Variants in SIPA1L2 observed in about 807,000 individuals in gnomAD.
The protein encoded by SIPA1L2 is signal induced proliferation associated 1 like 2.
In SIPA1L2, 56 loss-of-function variants were observed where a neutral mutation model predicts 163.9. The ratio of observed to expected loss-of-function variants is 0.34; its 90% CI spans 0.28 to 0.43. SIPA1L2 has a LOEUF of 0.43. SIPA1L2 is among the 20% of genes least tolerant of loss of function. The pLI is 1.00. For synonymous variants in SIPA1L2, 877 were observed against 865.7 expected, an observed-to-expected ratio of 1.01 and a Z score of -0.23; for missense variants, 1,974 against 2,193.5, an observed-to-expected ratio of 0.90 and a Z score of 2.00.
At chr1:232,456,548 T>C (rs1209688844) in intron 10 of SIPA1L2, among the ~76,000 whole-genome samples, 1 of 152,238 alleles carries the variant, frequency 6.6e-6, no homozygotes, top group African/African-American at 2.4e-5. Context: ...CCATTTTTAT[T>C]GGACATATTT....
intron 2 of SIPA1L2, among the ~76,000 whole-genome samples, chr1:232,517,299 A>G (rs1667259868): frequency 2.0e-5 from 3 of 152,208 alleles, no homozygotes; most frequent in Non-Finnish European, 4.4e-5. Context: ...GCATATATTG[A>G]AATACCAGTA....
chr1:232,620,321 T>C (rs925699594), intron 1 of SIPA1L2, among the ~76,000 whole-genome samples: 1 of 152,220 alleles, frequency 6.6e-6, no homozygotes, highest in African/African-American at 2.4e-5. Flanking sequence ...CCCTGTTCCA[T>C]GAAGGTAGGT....
intron 3 of SIPA1L2, among the ~76,000 whole-genome samples, chr1:232,512,143 A>G (rs180914244): frequency 6.6e-6 from 1 of 152,362 alleles, no homozygotes; most frequent in Non-Finnish European, 1.5e-5. Flanking sequence ...ACTGGTCATT[A>G]AAGAAATGCA....
intron 19 of SIPA1L2, among the ~76,000 whole-genome samples, chr1:232,410,940 T>C (rs974656224): frequency 2.6e-5 from 4 of 152,190 alleles, no homozygotes; most frequent in Non-Finnish European, 5.9e-5. Flanking sequence ...ACCAGCCAAG[T>C]AGCCTGCCAA....
At chr1:232,579,668 T>C (rs1660268516) in intron 1 of SIPA1L2, among the ~76,000 whole-genome samples, 1 of 152,212 alleles carries the variant, frequency 6.6e-6, no homozygotes, top group African/African-American at 2.4e-5. Flanking sequence ...TAATCTAACC[T>C]CTGATGCTCC....
chr1:232,422,015 G>A (rs954324668), intron 18 of SIPA1L2, among the ~76,000 whole-genome samples: 1 of 152,178 alleles, frequency 6.6e-6, no homozygotes, highest in Non-Finnish European at 1.5e-5. Flanking sequence ...GAACCCAGGT[G>A]TCTACCTGCC....
rs191435097 is a variant in SIPA1L2, at chr1:232,529,713, G to A, written c.-269-14105C>T. On this transcript the variant is annotated intron_variant, in intron 2 of 22. Transcript: ENST00000674635. ...AACTGGAAAGCAGCAAGGATATCAC[G>A]ATAGGGTGGCAAATCAGACATCACA... 1.1e-4 allele frequency among the ~76,000 whole-genome samples: 17 copies of A among 152,328 alleles called. No homozygotes were observed. The East Asian group carries it at 2.5e-3, about 22-fold the overall frequency.
At chr1:232,512,037 A>G (rs747697230) in intron 3 of SIPA1L2, among the ~76,000 whole-genome samples, 1 of 152,240 alleles carries the variant, frequency 6.6e-6, no homozygotes, top group Non-Finnish European at 1.5e-5. Flanking sequence ...CAAGAACAAA[A>G]CAACCCCATC....
At chr1:232,443,142 C>T (rs1053418825) in intron 12 of SIPA1L2, among the ~76,000 whole-genome samples, 2 of 152,188 alleles carry the variant, frequency 1.3e-5, no homozygotes, top group African/African-American at 4.8e-5. Context: ...TCACAGAAGT[C>T]CTCAGGCTCT....
chr1:232,499,181 G>T (rs1666345042), intron 3 of SIPA1L2, among the ~76,000 whole-genome samples: 1 of 152,230 alleles, frequency 6.6e-6, no homozygotes, highest in East Asian at 1.9e-4. Flanking sequence ...TAAAATGAAA[G>T]AAGAGTCACA....
chr1:232,526,474 T>C (rs1301259877), intron 2 of SIPA1L2, among the ~76,000 whole-genome samples: 2 of 152,210 alleles, frequency 1.3e-5, no homozygotes, highest in Non-Finnish European at 2.9e-5. Context: ...GTGCTCAACC[T>C]AAATGTATGT....
At chr1:232,552,744 A>G (rs149020237) in intron 2 of SIPA1L2, among the ~76,000 whole-genome samples, 8 of 152,368 alleles carry the variant, frequency 5.3e-5, no homozygotes, top group Non-Finnish European at 7.3e-5. Context: ...AGAGAAAGAA[A>G]TAACATTCAT....
intron 1 of SIPA1L2, among the ~76,000 whole-genome samples, chr1:232,607,256 T>C (rs1661972980): frequency 6.6e-6 from 1 of 152,214 alleles, no homozygotes; most frequent in East Asian, 1.9e-4. Flanking sequence ...TGCATATGCA[T>C]ATTTAATATA....
At chr1:232,434,696 A>T (rs1662449305) in intron 15 of SIPA1L2, among the ~76,000 whole-genome samples, 1 of 152,148 alleles carries the variant, frequency 6.6e-6, no homozygotes, top group Non-Finnish European at 1.5e-5. Flanking sequence ...ACGAGCTCTG[A>T]CGCCCTGTAT....
intron 2 of SIPA1L2, among the ~76,000 whole-genome samples, chr1:232,528,294 A>G (rs971433613): frequency 1.3e-5 from 2 of 152,082 alleles, no homozygotes; most frequent in African/African-American, 4.8e-5. Context: ...CAGACAAGGA[A>G]AAAGTCTTAG....
At chr1:232,562,081 A>G (rs1327138496) in intron 2 of SIPA1L2, among the ~76,000 whole-genome samples, 1 of 152,202 alleles carries the variant, frequency 6.6e-6, no homozygotes, top group Non-Finnish European at 1.5e-5. Context: ...GGAGTTTTGG[A>G]GGGCAGAGGA....
chr1:232,515,326 C>T lies in SIPA1L2; in HGVS notation c.14G>A (p.Arg5Lys). 1 of 1,595,548 alleles carries T rather than the reference C, an allele frequency of 6.3e-7. No individual in the cohort carries two copies. The highest frequency in any genetic ancestry group is 8.5e-7 in the Non-Finnish European group (1 of 1,169,884). ...CTTGTGCTTCTCTTCTTGTGACTGC[C>T]TTGGGTCACTCATGTCTACCGAGGA... MSDP[R>K]QSQEEKHKLG... is the part of the protein sequence containing the mutation. Residue 5 changes from arginine (R) to lysine (K), a missense_variant, in exon 3 of 23, where the codon AGG becomes AAG. Around this residue, in one of 3 missense-constraint regions of SIPA1L2, gnomAD observed 607 missense variants for 624.0 expected, o/e 0.97. Transcript: ENST00000674635.
rs563756492 is a variant in SIPA1L2, at chr1:232,422,380, T to G, written c.4630+3209A>C. Among the ~76,000 whole-genome samples the G allele has an allele frequency of 3.9e-5, 6 of 152,314 alleles. No individual in the cohort carries two copies. In the East Asian group the frequency reaches 1.2e-3, roughly 29 times the overall value. ...ATCTTAGTCTCAAGAGAAGAAAGAT[T>G]GAGACAGATTCAAATCTGTAACTTT... On this transcript the variant is annotated intron_variant, in intron 18 of 22. Transcript: ENST00000674635.
intron 1 of SIPA1L2, among the ~76,000 whole-genome samples, chr1:232,589,375 T>C (rs912562404): frequency 6.6e-6 from 1 of 152,232 alleles, no homozygotes; most frequent in African/African-American, 2.4e-5. Context: ...GGTACTTGTA[T>C]ACTCTCCCAA....
Sources: gnomAD v4.1 joint callset for allele counts (sites outside exome capture counted in the v4.1 genomes callset) on GRCh38, gnomAD v4.1.1 for gene constraint, gnomAD v4.1.1 regional missense constraint, MANE v1.5 for transcripts, NCBI Gene and HGNC (gene_info 2026-07-23, HGNC 2026-07-21) for gene names.